Variants in WDR88 observed in about 807,000 individuals in gnomAD.
WDR88 encodes the protein WD repeat-containing protein 88.
WDR88 carries 40 observed loss-of-function variants against 46.8 expected under a neutral mutation model. The observed-to-expected ratio is 0.86, with a 90% CI of 0.66 to 1.11. The LOEUF (loss-of-function observed/expected upper bound fraction) is 1.11. Among genes scored for constraint, WDR88 ranks in the 50% most tolerant of loss-of-function variants. WDR88 has a pLI of 0.00. For synonymous variants in WDR88, 235 were observed against 240.7 expected (o/e 0.98, Z 0.22); for missense variants, 562 against 602.4 (o/e 0.93, Z 0.70).
rs200476499 is a variant in WDR88, at chr19:33,132,235, C to G, written c.66C>G (p.Ser22=). The change falls in exon 1 of 11, where the codon TCC becomes TCG. Residue 22 remains serine (S), a synonymous_variant. Transcript: ENST00000355868. Reference sequence around the variant, plus strand: ...GGGAATGCAAGTTGCCGCCACCCTCCGCCCCCGCCAGCGAGTATTGTCCCG... The same window carrying G: ...GGGAATGCAAGTTGCCGCCACCCTCGGCCCCCGCCAGCGAGTATTGTCCCG... ...HDRECKLPPP[S]APASEYCPGK... 1 of 1,611,128 alleles carries G rather than the reference C, an allele frequency of 6.2e-7. No homozygotes were observed. The highest frequency in any genetic ancestry group is 1.6e-4 in the Middle Eastern group (1 of 6,062).
intron 5 of WDR88, among the ~76,000 whole-genome samples, chr19:33,150,252 G>A (rs1395243142): frequency 6.6e-6 from 1 of 151,898 alleles, no homozygotes; most frequent in Non-Finnish European, 1.5e-5. Flanking sequence ...AAAAGTTCAA[G>A]ACCAGCCTGG....
chr19:33,133,611 C>T (rs752764273), intron 1 of WDR88, among the ~76,000 whole-genome samples: 1 of 152,210 alleles, frequency 6.6e-6, no homozygotes, highest in African/African-American at 2.4e-5. Flanking sequence ...ATGCAGATGT[C>T]AGAGTGTGTT....
At chr19:33,162,909 T>C (rs1314554924) in intron 8 of WDR88, among the ~76,000 whole-genome samples, 2 of 151,182 alleles carry the variant, frequency 1.3e-5, no homozygotes, top group African/African-American at 4.9e-5. Context: ...TAAATAAATA[T>C]AGAATGGGTA....
intron 2 of WDR88, among the ~76,000 whole-genome samples, chr19:33,141,218 T>G (rs1973384354): frequency 7.4e-6 from 1 of 135,742 alleles, no homozygotes; most frequent in African/African-American, 3.0e-5. Flanking sequence ...ATTACAGGTG[T>G]GGGAGCATGT....
At chr19:33,135,052 T>TGGGGG (rs968213590) in intron 1 of WDR88, among the ~76,000 whole-genome samples, 3 of 20,070 alleles carry the variant, frequency 1.5e-4, no homozygotes, top group African/African-American at 3.3e-4. Context: ...CTGGGGTGGG[T>TGGGGG]GGGTGGGGGG....
At chr19:33,156,118 A>G (rs77795900) in intron 6 of WDR88, among the ~76,000 whole-genome samples, 3,946 of 152,344 alleles carry the variant, frequency 0.026, 78 homozygotes, top group Non-Finnish European at 0.041. Context: ...ACAGCGTGAC[A>G]GTCTGAGCAA....
chr19:33,149,446 G>T (rs970557059), intron 5 of WDR88, among the ~76,000 whole-genome samples: 3 of 152,076 alleles, frequency 2.0e-5, no homozygotes, highest in Non-Finnish European at 4.4e-5. Flanking sequence ...CACAATGTTC[G>T]GCTCCAACCT....
At chr19:33,172,528 C>A in intron 10 of WDR88, 88 bp downstream of exon 10, 1 of 1,108,554 alleles carries the variant, frequency 9.0e-7, no homozygotes, top group South Asian at 1.5e-5. Flanking sequence ...CTTTGGGCAC[C>A]TGGAGATGCA....
intron 6 of WDR88, among the ~76,000 whole-genome samples, chr19:33,151,655 G>A (rs1973636315): frequency 6.6e-6 from 1 of 152,156 alleles, no homozygotes; most frequent in African/African-American, 2.4e-5. Flanking sequence ...CAAAGTGGGA[G>A]GATCACTTCA....
At chr19:33,171,280 C>G (rs1406539427) in intron 9 of WDR88, among the ~76,000 whole-genome samples, 1 of 152,166 alleles carries the variant, frequency 6.6e-6, no homozygotes, top group Non-Finnish European at 1.5e-5. Flanking sequence ...GCCACCATGC[C>G]CAGCTTGAAA....
intron 1 of WDR88, among the ~76,000 whole-genome samples, chr19:33,136,174 G>C (rs1411690475): frequency 6.6e-6 from 1 of 151,930 alleles, no homozygotes; most frequent in Non-Finnish European, 1.5e-5. Flanking sequence ...TCCTGCCTCA[G>C]CCTCATGAGT....
Position 33,149,029 on chromosome 19 carries a change from A to G in WDR88, c.679+119A>G, listed in dbSNP as rs1327681591. 4 of 1,464,450 alleles carry G rather than the reference A, an allele frequency of 2.7e-6. 1 individual carries two copies. Among genetic ancestry groups the G allele is most frequent in the Middle Eastern group, 4.9e-4 (2 of 4,066 alleles). The allele number at this position is 1,464,450 out of a possible 1,614,324, so 90.7% of individuals were successfully genotyped here. The stretch of plus-strand genomic sequence containing the variant: ...AAACTGTAATGGTATGAAGCACGTC[A>G]TTAAAGCTGGGACACTAGGCTAGGT... On this transcript the variant is annotated intron_variant, in intron 5 of 10. Coordinates refer to ENST00000355868, the MANE Select transcript of WDR88 (RefSeq NM_173479.4).
intron 8 of WDR88, among the ~76,000 whole-genome samples, chr19:33,162,103 C>T (rs74992310): frequency 1.2e-4 from 18 of 152,302 alleles, no homozygotes; most frequent in Non-Finnish European, 2.2e-4. Context: ...TCTTTCCATA[C>T]GGGGAAGGCC....
Position 33,175,417 on chromosome 19 carries a change from T to TA in WDR88, c.1264_1265insA (p.Phe422TyrfsTer7). 6.2e-7 allele frequency: 1 copy of TA among 1,614,166 alleles called. No individual in the cohort carries two copies. On this transcript the variant is annotated frameshift_variant, in exon 11 of 11. Transcript: ENST00000355868. LOFTEE classifies it low-confidence loss of function (END_TRUNC). Reference sequence around the variant, plus strand: ...TCAGTGCGAAAGATGTGACAGGCCTTTCTCCATCTTCAAGAGTGACACCTC... The same window carrying TA: ...TCAGTGCGAAAGATGTGACAGGCCTTATCTCCATCTTCAAGAGTGACACCTC...
At chr19:33,142,015 G>T (rs1004375546) in intron 2 of WDR88, among the ~76,000 whole-genome samples, 1 of 152,176 alleles carries the variant, frequency 6.6e-6, no homozygotes, top group African/African-American at 2.4e-5. Context: ...AAAGGTATTT[G>T]GATTTGAGGT....
intron 3 of WDR88, among the ~76,000 whole-genome samples, chr19:33,145,881 A>G (rs578064911): frequency 6.6e-6 from 1 of 152,346 alleles, no homozygotes; most frequent in South Asian, 2.1e-4. Flanking sequence ...GAAACGTGCC[A>G]TGTAAGAAGA....
Position 33,138,753 on chromosome 19 carries a change from G to A in WDR88, c.387+966G>A, listed in dbSNP as rs1010781981. Among the ~76,000 whole-genome samples, 8 of 145,092 alleles carry A rather than the reference G, an allele frequency of 5.5e-5. 1 individual carries two copies. The highest frequency in any genetic ancestry group is 2.9e-4 in the Admixed American group (4 of 13,884). Reference sequence around the variant, plus strand: ...GGCTGGAGTATAGTGCCACGATCTCGGCTCACTACAACTTCCGCCTCTGGG... The same window carrying A: ...GGCTGGAGTATAGTGCCACGATCTCAGCTCACTACAACTTCCGCCTCTGGG... On this transcript the variant is annotated intron_variant, in intron 2 of 10. Transcript: ENST00000355868.
chr19:33,147,429 C>A (rs895470067), intron 3 of WDR88, among the ~76,000 whole-genome samples: 1 of 151,954 alleles, frequency 6.6e-6, no homozygotes, highest in Non-Finnish European at 1.5e-5. Context: ...ATGGCAAAAC[C>A]CCGTTTCTAC....
At chr19:33,159,512 A>G (rs1462113165) in intron 7 of WDR88, among the ~76,000 whole-genome samples, 1 of 152,166 alleles carries the variant, frequency 6.6e-6, no homozygotes, top group East Asian at 1.9e-4. Flanking sequence ...TGTGAGTTCA[A>G]TGTAAACAAA....
Sources: gnomAD v4.1 joint callset for allele counts (sites outside exome capture counted in the v4.1 genomes callset) on GRCh38, gnomAD v4.1.1 for gene constraint, MANE v1.5 for transcripts, NCBI Gene and HGNC (gene_info 2026-07-23, HGNC 2026-07-21) for gene names.